The following PARD3 variants were observed in gnomAD, a reference collection of about 807,000 sequenced individuals.
PARD3 encodes the protein partitioning defective 3 homolog.
In PARD3, 75 loss-of-function variants were observed where a neutral mutation model predicts 155.4. The ratio of observed to expected loss-of-function variants is 0.48; its 90% CI spans 0.40 to 0.58. PARD3 has a LOEUF of 0.58. PARD3 is among the 20% of genes least tolerant of loss of function. The pLI is 0.00. For missense variants in PARD3, 1,642 were observed against 1,721.7 expected (o/e 0.95, Z 0.82); for synonymous variants, 576 against 610.5 (o/e 0.94, Z 0.83).
intron 5 of PARD3, among the ~76,000 whole-genome samples, chr10:34,423,758 T>C (rs1382374462): frequency 6.6e-6 from 1 of 152,158 alleles, no homozygotes; most frequent in African/African-American, 2.4e-5. Context: ...TCAAAATTGT[T>C]TTTAAGAGAA....
At chr10:34,355,947 C>CAAAAAAAAAAAAAA (rs1554837481) in intron 14 of PARD3, among the ~76,000 whole-genome samples, 2 of 70,336 alleles carry the variant, frequency 2.8e-5, no homozygotes, top group Non-Finnish European at 5.7e-5. Flanking sequence ...AAAAAAAAAA[C>CAAAAAAAAAAAAAA]AAAACAAAAC....
chr10:34,736,029 C>CT (rs908531239), intron 1 of PARD3, among the ~76,000 whole-genome samples: 8 of 149,864 alleles, frequency 5.3e-5, no homozygotes, highest in South Asian at 2.1e-4. Flanking sequence ...AAACTTGTTA[C>CT]TTTTTTTTTT....
intron 2 of PARD3, among the ~76,000 whole-genome samples, chr10:34,540,823 A>G (rs1236437003): frequency 6.6e-6 from 1 of 152,148 alleles, no homozygotes; most frequent in Non-Finnish European, 1.5e-5. Flanking sequence ...TCTGATTTAA[A>G]TAAGTTATTT....
intron 2 of PARD3, among the ~76,000 whole-genome samples, chr10:34,524,079 A>G (rs1047427751): frequency 2.6e-5 from 4 of 152,206 alleles, no homozygotes; most frequent in Non-Finnish European, 4.4e-5. Context: ...CACTTACATA[A>G]AAGAAAAACT....
chr10:34,344,580 C>G, intron 15 of PARD3: 1 of 985,112 alleles, frequency 1.0e-6, no homozygotes, highest in Non-Finnish European at 1.2e-6. Flanking sequence ...CTGTGCCCAG[C>G]TGCATTGTTG....
chr10:34,653,103 T>A (rs773996822), intron 2 of PARD3, among the ~76,000 whole-genome samples: 32 of 152,084 alleles, frequency 2.1e-4, no homozygotes, highest in Non-Finnish European at 3.4e-4. Context: ...CTTTCAAGGA[T>A]GAGAAAGGTT....
chr10:34,192,837 T>C (rs1306859306), intron 22 of PARD3, among the ~76,000 whole-genome samples: 1 of 152,128 alleles, frequency 6.6e-6, no homozygotes, highest in Admixed American at 6.6e-5. Context: ...ATGAATGGGA[T>C]AGAAATAGTG....
chr10:34,719,804 AT>A (rs1278555312), intron 1 of PARD3, among the ~76,000 whole-genome samples: 1 of 152,228 alleles, frequency 6.6e-6, no homozygotes, highest in Non-Finnish European at 1.5e-5. Context: ...CCAATGTGAT[AT>A]GATTAACAAA....
intron 3 of PARD3, among the ~76,000 whole-genome samples, chr10:34,489,543 C>A (rs143810189): frequency 1.6e-3 from 250 of 152,286 alleles, no homozygotes; most frequent in Middle Eastern, 6.8e-3. Context: ...TACACACTGG[C>A]GATTAATAAA....
intron 2 of PARD3, among the ~76,000 whole-genome samples, chr10:34,579,707 A>T (rs1307953683): frequency 6.7e-6 from 1 of 149,040 alleles, no homozygotes; most frequent in African/African-American, 2.5e-5. Flanking sequence ...CAGCCTCCTG[A>T]GTAGCTGGGA....
At chr10:34,304,503 G>C (rs1160525955) in intron 20 of PARD3, among the ~76,000 whole-genome samples, 3 of 152,162 alleles carry the variant, frequency 2.0e-5, no homozygotes, top group Non-Finnish European at 4.4e-5. Context: ...ACTCACAATA[G>C]CAATGCCATG....
intron 19 of PARD3, among the ~76,000 whole-genome samples, chr10:34,317,652 T>C (rs1025400275): frequency 5.9e-5 from 9 of 152,284 alleles, no homozygotes; most frequent in Admixed American, 5.2e-4. Context: ...CAGCAAGACC[T>C]TGTTATACAG....
At chr10:34,551,382 C>G (rs752247584) in intron 2 of PARD3, among the ~76,000 whole-genome samples, 4 of 152,142 alleles carry the variant, frequency 2.6e-5, no homozygotes, top group African/African-American at 4.8e-5. Flanking sequence ...TCATATACAA[C>G]ATACAGAGTC....
At chr10:34,217,145 C>G (rs1227513702) in intron 22 of PARD3, among the ~76,000 whole-genome samples, 1 of 151,928 alleles carries the variant, frequency 6.6e-6, no homozygotes, top group African/African-American at 2.4e-5. Context: ...TCCAGTAACT[C>G]TGGCCTGCCT....
intron 3 of PARD3, among the ~76,000 whole-genome samples, chr10:34,496,293 T>C (rs983815894): frequency 2.0e-5 from 3 of 151,968 alleles, no homozygotes; most frequent in Non-Finnish European, 4.4e-5. Context: ...ACACTTTCCA[T>C]ATGAACTGTA....
intron 22 of PARD3, among the ~76,000 whole-genome samples, chr10:34,267,374 T>C (rs1304377345): frequency 6.6e-6 from 1 of 152,202 alleles, no homozygotes; most frequent in Non-Finnish European, 1.5e-5. Context: ...GTGAACCTTC[T>C]AGGTGATCAC....
chr10:34,469,009 A>G (rs1392491914), intron 4 of PARD3, among the ~76,000 whole-genome samples: 1 of 152,230 alleles, frequency 6.6e-6, no homozygotes, highest in East Asian at 1.9e-4. Flanking sequence ...TTGAGCATCT[A>G]CAGATTCAAA....
chr10:34,366,061 C>T (rs1029694163), intron 12 of PARD3, among the ~76,000 whole-genome samples: 6 of 152,078 alleles, frequency 3.9e-5, no homozygotes, highest in Non-Finnish European at 7.4e-5. Context: ...TTTTACAATA[C>T]AAAAAATCCA....
intron 2 of PARD3, among the ~76,000 whole-genome samples, chr10:34,665,513 T>C (rs1225383385): frequency 6.6e-6 from 1 of 150,646 alleles, no homozygotes; most frequent in African/African-American, 2.5e-5. Context: ...AGAGCAAAAC[T>C]ACATCACAAA....
Sources: gnomAD v4.1 joint callset for allele counts (sites outside exome capture counted in the v4.1 genomes callset) on GRCh38, gnomAD v4.1.1 for gene constraint, MANE v1.5 for transcripts, NCBI Gene and HGNC (gene_info 2026-07-23, HGNC 2026-07-21) for gene names.